The following DSCAML1 variants were observed in gnomAD, a reference collection of about 807,000 sequenced individuals.
DSCAML1 encodes cell adhesion molecule DSCAML1.
A neutral mutation model predicts 200.5 loss-of-function variants in DSCAML1; 38 were observed. That is an observed-to-expected ratio of 0.19 (90% CI 0.15 to 0.25). The LOEUF is 0.25. Ranked by LOEUF, DSCAML1 falls within the 10% of genes least tolerant of loss-of-function variation. DSCAML1 has a pLI of 1.00. For missense variants in DSCAML1, 2,223 were observed against 2,858.8 expected, an observed-to-expected ratio of 0.78 and a Z score of 5.07; for synonymous variants, 1,215 against 1,165.0, an observed-to-expected ratio of 1.04 and a Z score of -0.87.
chr11:117,448,345 A>G (rs551315053), intron 20 of DSCAML1, among the ~76,000 whole-genome samples: 94 of 152,200 alleles, frequency 6.2e-4, no homozygotes, highest in Non-Finnish European at 1.2e-3. Flanking sequence ...CTACCGATTC[A>G]TTCTTCGAAT....
At chr11:117,665,200 T>C (rs929206750) in intron 3 of DSCAML1, among the ~76,000 whole-genome samples, 3 of 152,366 alleles carry the variant, frequency 2.0e-5, no homozygotes, top group East Asian at 1.9e-4. Context: ...CCAGTCTCCC[T>C]GACCACACAA....
intron 3 of DSCAML1, among the ~76,000 whole-genome samples, chr11:117,563,746 T>C (rs2050705061): frequency 6.6e-6 from 1 of 152,152 alleles, no homozygotes; most frequent in African/African-American, 2.4e-5. Flanking sequence ...AGACCAGTGT[T>C]GTACTGCTTC....
chr11:117,432,787 T>TG (rs1565672234), intron 29 of DSCAML1, among the ~76,000 whole-genome samples: 1 of 151,448 alleles, frequency 6.6e-6, no homozygotes, highest in Middle Eastern at 3.2e-3. Flanking sequence ...TTTTTTTTTT[T>TG]TGTGGTAGAA....
At chr11:117,757,710 G>A (rs2054720605) in intron 3 of DSCAML1, among the ~76,000 whole-genome samples, 1 of 152,002 alleles carries the variant, frequency 6.6e-6, no homozygotes, top group South Asian at 2.1e-4. Flanking sequence ...GGGCATGATG[G>A]CTCACACCTG....
intron 3 of DSCAML1, among the ~76,000 whole-genome samples, chr11:117,552,925 C>T (rs1667985087): frequency 6.6e-6 from 1 of 152,214 alleles, no homozygotes. Context: ...AGTATTGTCC[C>T]AGGCTGGCCC....
chr11:117,609,596 C>T (rs1311518860), intron 3 of DSCAML1, among the ~76,000 whole-genome samples: 1 of 152,190 alleles, frequency 6.6e-6, no homozygotes, highest in Non-Finnish European at 1.5e-5. Context: ...CATGAGCCAC[C>T]ATGCCCAACC....
chr11:117,513,490 C>T (rs2049686632), intron 8 of DSCAML1, among the ~76,000 whole-genome samples: 1 of 152,136 alleles, frequency 6.6e-6, no homozygotes, highest in South Asian at 2.1e-4. Context: ...CCTGTAATCC[C>T]AGCACTTTGG....
intron 1 of DSCAML1, among the ~76,000 whole-genome samples, chr11:117,803,474 A>G (rs2055680000): frequency 6.6e-6 from 1 of 151,042 alleles, no homozygotes; most frequent in Admixed American, 6.6e-5. Flanking sequence ...ACTTGTTGCA[A>G]TTTCTTTTTA....
chr11:117,577,987 C>A (rs2050976752), intron 3 of DSCAML1, among the ~76,000 whole-genome samples: 1 of 151,590 alleles, frequency 6.6e-6, no homozygotes. Context: ...GTAATCCCAG[C>A]ACTTTGGGAG....
At chr11:117,577,491 TTCCTTCCTTCCTTCCCTCC>T (rs2050961201) in intron 3 of DSCAML1, among the ~76,000 whole-genome samples, 2 of 61,190 alleles carry the variant, frequency 3.3e-5, no homozygotes, top group South Asian at 7.3e-4. Context: ...CCTTCCTTCC[TTCCTTCCTTCCTTCCCTCC>T]TTCCTTCCTT....
Position 117,463,877 on chromosome 11 carries a change from T to A in DSCAML1, c.3265+1065A>T, listed in dbSNP as rs1376669151. Among the ~76,000 whole-genome samples the A allele has an allele frequency of 6.6e-6, 1 of 152,156 alleles. No individual in the cohort carries two copies. The highest frequency in any genetic ancestry group is 1.5e-5 in the Non-Finnish European group (1 of 68,038). Reference sequence around the variant, plus strand: ...CTCTGGTGTTGAAGCCTGGCATCAGTATTTTGAAAGTTCCCCAGATAATGC... The same window carrying A: ...CTCTGGTGTTGAAGCCTGGCATCAGAATTTTGAAAGTTCCCCAGATAATGC... On this transcript the variant is annotated intron_variant, in intron 17 of 32. Transcript: ENST00000651296. The surrounding 1 kb of genome is among the most constrained non-coding windows in gnomAD (Gnocchi z 4.0).
At chr11:117,716,275 G>C (rs563081430) in intron 3 of DSCAML1, among the ~76,000 whole-genome samples, 6 of 152,366 alleles carry the variant, frequency 3.9e-5, no homozygotes, top group Non-Finnish European at 7.3e-5. Flanking sequence ...TCCCAGCCGT[G>C]TTGTTAACCA....
intron 3 of DSCAML1, among the ~76,000 whole-genome samples, chr11:117,745,983 G>A (rs1565259501): frequency 1.3e-5 from 2 of 151,980 alleles, no homozygotes; most frequent in African/African-American, 4.8e-5. Context: ...GGGAGGCGGA[G>A]GCAGGTGGAT....
chr11:117,713,175 C>A (rs542234667), intron 3 of DSCAML1, among the ~76,000 whole-genome samples: 1 of 152,058 alleles, frequency 6.6e-6, no homozygotes, highest in Non-Finnish European at 1.5e-5. Context: ...CGGCTCACTG[C>A]GACCTCCACC....
At position 117,639,793 on chromosome 11, in the gene DSCAML1, C is replaced by T. The variant is rs970495026; in HGVS notation, c.512-107271G>A. On this transcript the variant is annotated intron_variant, in intron 3 of 32. Transcript: ENST00000651296. ...GAACTGGTAGTGGCTGCAGAGGCCC[C>T]GGGAACTCTGGTGGCCTCCCTGCCC... 5.3e-5 allele frequency among the ~76,000 whole-genome samples: 8 copies of T among 152,248 alleles called. No homozygotes were observed. In the East Asian group the frequency reaches 5.8e-4, roughly 11 times the overall value.
chr11:117,639,232 G>C (rs1245319176), intron 3 of DSCAML1, among the ~76,000 whole-genome samples: 3 of 151,876 alleles, frequency 2.0e-5, no homozygotes, highest in Non-Finnish European at 4.4e-5. Flanking sequence ...TGGGTGGGAG[G>C]CTGGATGGAT....
intron 31 of DSCAML1, 93 bp from the exon 32 acceptor site, chr11:117,431,126 T>A: frequency 3.9e-6 from 5 of 1,290,724 alleles, no homozygotes; most frequent in Non-Finnish European, 5.3e-6. Flanking sequence ...CCAGCAGCCA[T>A]CTGTAAGTCT....
At chr11:117,573,615 G>T (rs1423197218) in intron 3 of DSCAML1, among the ~76,000 whole-genome samples, 1 of 152,224 alleles carries the variant, frequency 6.6e-6, no homozygotes, top group Non-Finnish European at 1.5e-5. Context: ...CTCCAGTGAG[G>T]CCATCAGCGT....
intron 3 of DSCAML1, among the ~76,000 whole-genome samples, chr11:117,699,726 T>G (rs1172724781): frequency 6.6e-6 from 1 of 152,178 alleles, no homozygotes; most frequent in African/African-American, 2.4e-5. Flanking sequence ...CTACTTCTGC[T>G]CCATCCCCAC....
Sources: gnomAD v4.1 joint callset for allele counts (sites outside exome capture counted in the v4.1 genomes callset) on GRCh38, gnomAD v4.1.1 for gene constraint, Gnocchi (gnomAD v3.1) non-coding constraint, MANE v1.5 for transcripts, NCBI Gene and HGNC (gene_info 2026-07-23, HGNC 2026-07-21) for gene names.